The following BACH1 variants were observed in gnomAD, a reference collection of about 807,000 sequenced individuals.
The protein encoded by BACH1 is transcription regulator protein BACH1.
BACH1 carries 35 observed loss-of-function variants against 52.9 expected under a neutral mutation model. The observed-to-expected ratio is 0.66, with a 90% confidence interval of 0.51 to 0.88. BACH1 has a LOEUF of 0.88. Among genes scored for constraint, BACH1 ranks in the 40% least tolerant of loss-of-function variants. BACH1 has a pLI of 0.00. For missense variants in BACH1, 808 were observed against 872.6 expected, an observed-to-expected ratio of 0.93 and a Z score of 0.93; for synonymous variants, 321 against 319.6, an observed-to-expected ratio of 1.00 and a Z score of -0.05.
intron 1 of BACH1, among the ~76,000 whole-genome samples, chr21:29,313,250 C>G (rs575586052): frequency 6.6e-6 from 1 of 151,920 alleles, no homozygotes; most frequent in African/African-American, 2.4e-5. Flanking sequence ...GCCGATGAAA[C>G]AAAACAGTCC....
chr21:29,308,571 G>A lies in BACH1; in HGVS notation c.-61+9618G>A, dbSNP rs137865694. ...TGGTGTATAGTTAGGAATTTGAAGA[G>A]CACTTTTTTTGTTTATTTTATCTTT... On this transcript the variant is annotated intron_variant, in intron 1 of 4. Coordinates refer to ENST00000286800, the MANE Select transcript of BACH1 (RefSeq NM_001186.4). Among the ~76,000 whole-genome samples the A allele has an allele frequency of 2.1e-3, 318 of 152,198 alleles. 2 individuals carry two copies. Among genetic ancestry groups the A allele is most frequent in the African/African-American group, 7.1e-3 (295 of 41,520 alleles).
chr21:29,341,602 A>G (rs1441306038), intron 4 of BACH1, among the ~76,000 whole-genome samples: 8 of 152,188 alleles, frequency 5.3e-5, no homozygotes, highest in Admixed American at 5.2e-4. Context: ...TATAGGGGTA[A>G]TATCTTAAAA....
downstream of BACH1, among the ~76,000 whole-genome samples, chr21:29,350,757 A>G (rs1383660177): frequency 6.6e-6 from 1 of 152,222 alleles, no homozygotes; most frequent in Non-Finnish European, 1.5e-5. Context: ...TTGAGGGAAG[A>G]TCATGTTCCA....
intron 1 of BACH1, among the ~76,000 whole-genome samples, chr21:29,311,936 T>C (rs1159807626): frequency 6.6e-6 from 1 of 152,248 alleles, no homozygotes; most frequent in Non-Finnish European, 1.5e-5. Flanking sequence ...GTCACAGAGA[T>C]GTAAAGTGAC....
intron 2 of BACH1, among the ~76,000 whole-genome samples, chr21:29,358,812 A>AAAAGAAAGAAAG: frequency 6.8e-6 from 1 of 146,450 alleles, no homozygotes; most frequent in South Asian, 2.2e-4. Flanking sequence ...GAAAGAAAGA[A>AAAAGAAAGAAAG]AGAAGAAAGA....
At chr21:29,354,162 G>T (rs1449823299) in intron 2 of BACH1, among the ~76,000 whole-genome samples, 1 of 152,192 alleles carries the variant, frequency 6.6e-6, no homozygotes, top group East Asian at 1.9e-4. Context: ...GCCTCTCATG[G>T]TTTATTTGTA....
At chr21:29,308,616 T>C (rs2088685511) in intron 1 of BACH1, among the ~76,000 whole-genome samples, 1 of 152,218 alleles carries the variant, frequency 6.6e-6, no homozygotes, top group South Asian at 2.1e-4. Flanking sequence ...ATGCATACTA[T>C]GTGTGTCAAC....
chr21:29,328,442 C>G (rs2123451627), intron 3 of BACH1, among the ~76,000 whole-genome samples: 1 of 150,604 alleles, frequency 6.6e-6, no homozygotes, highest in African/African-American at 2.4e-5. Context: ...TTTTGCCTTT[C>G]AATAGTTGGC....
intron 1 of BACH1, among the ~76,000 whole-genome samples, chr21:29,313,179 G>T (rs896368027): frequency 1.8e-4 from 27 of 151,986 alleles, no homozygotes; most frequent in African/African-American, 6.3e-4. Context: ...TAACACTAAC[G>T]ATAGCTGACA....
chr21:29,355,137 G>A (rs1393113047), intron 2 of BACH1, among the ~76,000 whole-genome samples: 1 of 152,170 alleles, frequency 6.6e-6, no homozygotes, highest in Non-Finnish European at 1.5e-5. Flanking sequence ...CTGCTGATTG[G>A]TCCATTTTAC....
chr21:29,332,469 C>G (rs556624724), intron 4 of BACH1, among the ~76,000 whole-genome samples: 8 of 152,292 alleles, frequency 5.3e-5, no homozygotes, highest in African/African-American at 1.9e-4. Flanking sequence ...GACTCTTTGG[C>G]TTCAAGAAAC....
intron 1 of BACH1, among the ~76,000 whole-genome samples, chr21:29,301,341 A>T (rs915248905): frequency 6.6e-6 from 1 of 152,234 alleles, no homozygotes. Context: ...ATGCGCGTGC[A>T]TGTCCTCCAC....
At chr21:29,355,739 T>C (rs1485919429) in intron 2 of BACH1, among the ~76,000 whole-genome samples, 1 of 152,116 alleles carries the variant, frequency 6.6e-6, no homozygotes, top group Non-Finnish European at 1.5e-5. Flanking sequence ...AGGTTAAAAA[T>C]AAGGGTCCGA....
intron 1 of BACH1, among the ~76,000 whole-genome samples, chr21:29,318,697 T>C (rs1401988764): frequency 1.3e-5 from 2 of 152,184 alleles, no homozygotes; most frequent in East Asian, 3.8e-4. Context: ...GGGCCACAGA[T>C]GTATGTAGTT....
chr21:29,339,030 G>A (rs1323342623), intron 4 of BACH1, among the ~76,000 whole-genome samples: 3 of 152,204 alleles, frequency 2.0e-5, no homozygotes, highest in Non-Finnish European at 4.4e-5. Context: ...AGTAGTGACT[G>A]TAATACAGTT....
At chr21:29,323,136 T>C (rs1204775123) in intron 2 of BACH1, among the ~76,000 whole-genome samples, 1 of 152,224 alleles carries the variant, frequency 6.6e-6, no homozygotes, top group Non-Finnish European at 1.5e-5. Flanking sequence ...TATTTTAACA[T>C]ATTTAAAAAT....
rs1357102066 is a variant in BACH1, at chr21:29,343,298, TC to T, written c.*466del. 1.3e-5 allele frequency: 2 copies of T among 153,422 alleles called. No homozygotes were observed. Among genetic ancestry groups the T allele is most frequent in the Non-Finnish European group, 2.9e-5 (2 of 68,886 alleles). The allele number at this position is 153,422 out of a possible 1,614,324, so 9.5% of individuals were successfully genotyped here. ...CCAAGCAATGCTAATAGAGTTCTAT[TC>T]TTAGAAGCAGGGTGTCAGCTACTGG... is the stretch of plus-strand genomic sequence containing the variant. On this transcript the variant is annotated 3_prime_UTR_variant, in exon 5 of 5. Transcript: ENST00000286800.
chr21:29,342,580 C>T lies in BACH1; in HGVS notation c.1958C>T (p.Ser653Phe). 1.2e-6 allele frequency: 2 copies of T among 1,614,210 alleles called. No individual in the cohort carries two copies. Among genetic ancestry groups the T allele is most frequent in the Middle Eastern group, 1.6e-4 (1 of 6,062 alleles). The part of the protein sequence containing the change: ...AADCPLSFLI[S>F]EKDKSTPDGE... Reference sequence around the variant, plus strand: ...GATTGCCCACTTTCATTTTTAATTTCTGAAAAAGATAAAAGTACTCCTGAT... The same window carrying T: ...GATTGCCCACTTTCATTTTTAATTTTTGAAAAAGATAAAAGTACTCCTGAT... Residue 653 changes from serine to phenylalanine, a missense_variant, in exon 5 of 5, where the codon TCT becomes TTT. By Grantham distance (155) the Ser-to-Phe change is radical (BLOSUM62 -2). Coordinates refer to ENST00000286800, the MANE Select transcript of BACH1 (RefSeq NM_001186.4).
chr21:29,304,327 G>A (rs926226769), intron 1 of BACH1, among the ~76,000 whole-genome samples: 4 of 152,028 alleles, frequency 2.6e-5, no homozygotes, highest in Non-Finnish European at 5.9e-5. Context: ...GTTTCACCAT[G>A]TTGGCCAGGC....
Sources: allele counts gnomAD v4.1 joint callset (sites outside exome capture counted in the v4.1 genomes callset), GRCh38; gene constraint gnomAD v4.1.1; transcripts MANE v1.5; gene names NCBI Gene and HGNC (gene_info 2026-07-23, HGNC 2026-07-21).